The following PMS2 variants were observed in gnomAD, a reference collection of about 807,000 sequenced individuals.
PMS2 encodes the protein mismatch repair endonuclease PMS2.
Under a neutral mutation model 90.0 loss-of-function variants are expected in PMS2, and 69 were observed. That is an observed-to-expected ratio of 0.77 (90% CI 0.63 to 0.94). The LOEUF (loss-of-function observed/expected upper bound fraction) is 0.94. PMS2 is among the 40% of genes least tolerant of loss of function. PMS2 has a pLI of 0.00. For synonymous variants in PMS2, 332 were observed against 375.1 expected (o/e 0.89, Z 1.33); for missense variants, 966 against 1,040.2 (o/e 0.93, Z 0.98).
At chr7:6,002,963 A>AT (rs1175759277) in intron 4 of PMS2, among the ~76,000 whole-genome samples, 1 of 152,060 alleles carries the variant, frequency 6.6e-6, no homozygotes, top group Non-Finnish European at 1.5e-5. Flanking sequence ...CTTCGAACAA[A>AT]TTTTTTTTAA....
chr7:5,996,493 T>C (rs1784402615), intron 7 of PMS2, among the ~76,000 whole-genome samples: 1 of 149,990 alleles, frequency 6.7e-6, no homozygotes, highest in Non-Finnish European at 1.5e-5. Flanking sequence ...AGGCAGAGGT[T>C]GCAGGGAGGC....
At position 5,973,365 on chromosome 7, in the gene PMS2, C is replaced by T. The variant is rs374503068; in HGVS notation, c.*34G>A. Reference sequence around the variant, plus strand: ...CTGTCTTTCAAAACATAAAAATCTGCGATAAAACCAATTATTCCATACAGT... The same window carrying T: ...CTGTCTTTCAAAACATAAAAATCTGTGATAAAACCAATTATTCCATACAGT... On this transcript the variant is annotated 3_prime_UTR_variant, in exon 15 of 15. Coordinates refer to ENST00000265849, the MANE Select transcript of PMS2 (RefSeq NM_000535.7). The T allele has an allele frequency of 9.0e-5, 80 of 892,044 alleles. 6 individuals carry two copies. In the African/African-American group the frequency reaches 1.1e-3, roughly 12 times the overall value. The allele number at this position is 892,044 out of a possible 1,614,324, so 55.3% of individuals were successfully genotyped here. A position where few individuals can be genotyped will look rare whatever the true frequency, so the allele number is the denominator to read the frequency against.
At chr7:5,982,047 G>C (rs946894918) in intron 12 of PMS2, among the ~76,000 whole-genome samples, 1 of 150,240 alleles carries the variant, frequency 6.7e-6, no homozygotes, top group South Asian at 2.1e-4. Flanking sequence ...ATAGAATCTC[G>C]CTCTGTCACC....
At chr7:6,005,439 AG>A (rs966266904) in intron 2 of PMS2, among the ~76,000 whole-genome samples, 2 of 152,156 alleles carry the variant, frequency 1.3e-5, no homozygotes, top group African/African-American at 4.8e-5. Context: ...TCCTGACCTC[AG>A]GTATCCACCC....
chr7:5,991,829 A>G (rs2128754179), intron 9 of PMS2, 144 bp downstream of exon 9: 2 of 619,308 alleles, frequency 3.2e-6, no homozygotes, highest in East Asian at 2.9e-5. Context: ...ACAGAGCAAG[A>G]CCCCGTCTCA....
intron 12 of PMS2, among the ~76,000 whole-genome samples, chr7:5,980,765 C>A (rs1387185810): frequency 3.0e-5 from 4 of 133,498 alleles, no homozygotes; most frequent in Non-Finnish European, 4.8e-5. Flanking sequence ...GTCTCAAAAA[C>A]ACAAAAACAA....
In PMS2 at chr7:5,986,636, G is replaced by A. The variant is rs536627777; in HGVS notation, c.2006+123C>T. On this transcript the variant is annotated intron_variant, in intron 11 of 14. Transcript: ENST00000265849. ...GAACCCGGGAGGTGGAGGCTGCAGT[G>A]AGCCAAGATCATGCCACTGCATTCC... 1.4e-5 allele frequency: 10 copies of A among 727,036 alleles called. No individual in the cohort carries two copies. In the South Asian group the frequency reaches 2.1e-4, roughly 15 times the overall value. 45.0% of individuals were successfully genotyped at this position (727,036 alleles called of 1,614,324 possible).
intron 2 of PMS2, among the ~76,000 whole-genome samples, chr7:6,004,984 A>G (rs2128836991): frequency 6.6e-6 from 1 of 151,858 alleles, no homozygotes; most frequent in East Asian, 1.9e-4. Context: ...GGCTCACTGC[A>G]GCCTCCACCT....
rs144545311 is a variant in PMS2, at chr7:6,007,856, A to AT, written c.23+1140dup. The stretch of plus-strand genomic sequence containing the variant: ...ACTATAGGCTACAGGTCCACTTCTG[A>AT]TTTTTTTTTTTTTTTTTTTTTGAGA... On this transcript the variant is annotated intron_variant, in intron 1 of 14. Transcript: ENST00000265849. Among the ~76,000 whole-genome samples the AT allele has an allele frequency of 5.1e-3, 651 of 126,586 alleles. 2 individuals carry two copies. Among genetic ancestry groups the AT allele is most frequent in the African/African-American group, 7.5e-3 (248 of 32,976 alleles). The allele number at this position is 126,586 out of a possible 152,430, so 83.0% of individuals were successfully genotyped here. A position where few individuals can be genotyped will look rare whatever the true frequency, so the allele number is the denominator to read the frequency against.
At chr7:5,985,204 C>A (rs1190882012) in intron 11 of PMS2, among the ~76,000 whole-genome samples, 11 of 151,730 alleles carry the variant, frequency 7.2e-5, no homozygotes, top group Non-Finnish European at 1.3e-4. Flanking sequence ...CTCAAGTGAG[C>A]CTCCTGCCTC....
At chr7:5,979,192 ACT>A (rs1289284707) in intron 12 of PMS2, among the ~76,000 whole-genome samples, 3 of 105,684 alleles carry the variant, frequency 2.8e-5, no homozygotes, top group African/African-American at 4.1e-5. Flanking sequence ...ACACAACAAG[ACT>A]CTGTCTCAAA....
At chr7:5,996,590 AATATAT>A (rs1554301106) in intron 7 of PMS2, among the ~76,000 whole-genome samples, 74 of 110,186 alleles carry the variant, frequency 6.7e-4, no homozygotes, top group African/African-American at 2.7e-3. Context: ...AAAAAAAAAA[AATATAT>A]ATATATATAT....
At chr7:5,985,494 C>T (rs1178479168) in intron 11 of PMS2, among the ~76,000 whole-genome samples, 1 of 151,526 alleles carries the variant, frequency 6.6e-6, no homozygotes, top group Non-Finnish European at 1.5e-5. Context: ...ATGGAAAATG[C>T]TACTATCCTA....
In PMS2 at chr7:5,987,000, C is replaced by G. The variant is rs749727182; in HGVS notation, c.1765G>C (p.Asp589His). The G allele has an allele frequency of 8.1e-6, 13 of 1,614,022 alleles. No homozygotes were observed. The highest frequency in any genetic ancestry group is 1.1e-5 in the Non-Finnish European group (13 of 1,180,038). The part of the protein sequence containing the change: ...FKKEEILSSS[D>H]ICQKLVNTQD... ...GTATTTACTAACTTTTGACAAATGTCAGAACTGGAAAGAATTTCTTCTTTT... is the reference window on the plus strand; with the variant it reads ...GTATTTACTAACTTTTGACAAATGTGAGAACTGGAAAGAATTTCTTCTTTT... Residue 589 changes from aspartate (D) to histidine (H), a missense_variant, in exon 11 of 15, where the codon GAC (aspartate) becomes CAC (histidine). By Grantham distance (81) the Asp-to-His change is moderately conservative. Coordinates refer to ENST00000265849, the MANE Select transcript of PMS2 (RefSeq NM_000535.7).
chr7:6,002,834 G>A (rs1438203481), intron 4 of PMS2, among the ~76,000 whole-genome samples, 198 bp from the exon 5 acceptor site: 1 of 152,190 alleles, frequency 6.6e-6, no homozygotes, highest in Non-Finnish European at 1.5e-5. Flanking sequence ...GAGACAGAGA[G>A]CACTAAACAT....
chr7:5,979,365 T>C (rs1782087100), intron 12 of PMS2, among the ~76,000 whole-genome samples: 1 of 145,790 alleles, frequency 6.9e-6, no homozygotes, highest in African/African-American at 2.6e-5. Flanking sequence ...CACTCCAGCC[T>C]GGGCAACAGG....
chr7:5,992,098 T>C, intron 8 of PMS2, 41 bp from the exon 9 acceptor site: 1 of 1,037,270 alleles, frequency 9.6e-7, no homozygotes, highest in South Asian at 1.3e-5. Flanking sequence ...AAATGACAAA[T>C]GTTCCCAGCC....
At chr7:5,978,825 T>C in intron 12 of PMS2, 129 bp from the exon 13 acceptor site, 6 of 1,171,438 alleles carry the variant, frequency 5.1e-6, no homozygotes, top group South Asian at 2.7e-5. Context: ...ATAACAACAC[T>C]ACTCAGCTAA....
chr7:6,004,859 A>T (rs1324258868), intron 2 of PMS2, among the ~76,000 whole-genome samples: 1 of 152,286 alleles, frequency 6.6e-6, no homozygotes, highest in Non-Finnish European at 1.5e-5. Context: ...TCTATCTCAT[A>T]AAGTTATTCT....
Sources: allele counts gnomAD v4.1 joint callset (sites outside exome capture counted in the v4.1 genomes callset), GRCh38; gene constraint gnomAD v4.1.1; transcripts MANE v1.5; gene names NCBI Gene and HGNC (gene_info 2026-07-23, HGNC 2026-07-21).